Variants in TTC23L observed in about 807,000 individuals in gnomAD.
TTC23L encodes tetratricopeptide repeat protein 23-like.
TTC23L carries 42 observed loss-of-function variants against 48.1 expected under a neutral mutation model. The ratio of observed to expected loss-of-function variants is 0.87; its 90% CI spans 0.68 to 1.13. The LOEUF (loss-of-function observed/expected upper bound fraction) is 1.13. TTC23L is among the 50% of genes most tolerant of loss of function. The pLI is 0.00. For synonymous variants in TTC23L, 159 were observed against 157.2 expected (o/e 1.01, Z -0.09); for missense variants, 391 against 421.0 (o/e 0.93, Z 0.62).
chr5:34,882,505 C>T (rs1316266994), intron 9 of TTC23L, among the ~76,000 whole-genome samples: 7 of 152,064 alleles, frequency 4.6e-5, no homozygotes, highest in African/African-American at 1.7e-4. Flanking sequence ...TAACACATTT[C>T]CCATATTTAA....
chr5:34,901,997 G>T (rs1342722818), downstream of TTC23L, among the ~76,000 whole-genome samples: 1 of 152,182 alleles, frequency 6.6e-6, no homozygotes, highest in Admixed American at 6.5e-5. Context: ...TCTAGCGAAA[G>T]AATTTGCAAT....
intron 6 of TTC23L, 94 bp from the exon 7 acceptor site, chr5:34,866,798 G>A (rs1761079573): frequency 1.6e-6 from 2 of 1,284,046 alleles, no homozygotes; most frequent in Admixed American, 2.8e-5. Flanking sequence ...GGCCTGTGAA[G>A]GCCAAATTCT....
rs1359491524 is a variant in TTC23L at position 34,845,693 on chromosome 5, A to G, written c.255+20A>G. On this transcript the variant is annotated intron_variant, in intron 3 of 10. Transcript: ENST00000505624. ...AAAATGGTAAAACAAAAAACTCACT[A>G]AAATTTTGTTTCCATTTAAAAATAT... 3.8e-6 allele frequency: 6 copies of G among 1,590,052 alleles called. No homozygotes were observed. Among genetic ancestry groups the G allele is most frequent in the Non-Finnish European group, 5.1e-6 (6 of 1,171,364 alleles).
intron 8 of TTC23L, among the ~76,000 whole-genome samples, chr5:34,873,796 T>C (rs1012539147): frequency 6.6e-6 from 1 of 152,056 alleles, no homozygotes; most frequent in African/African-American, 2.4e-5. Context: ...CAAAGAAGAC[T>C]TGAAATGTGT....
chr5:34,873,481 T>A (rs571543080), intron 8 of TTC23L, among the ~76,000 whole-genome samples: 1 of 152,148 alleles, frequency 6.6e-6, no homozygotes, highest in Non-Finnish European at 1.5e-5. Flanking sequence ...TGCAATGTTA[T>A]CACCACGGGC....
At chr5:34,840,325 C>T (rs1380754011) in intron 1 of TTC23L, among the ~76,000 whole-genome samples, 2 of 149,842 alleles carry the variant, frequency 1.3e-5, no homozygotes, top group Non-Finnish European at 2.9e-5. Flanking sequence ...AAATCCAACA[C>T]GCCGTCAGAC....
the TTC23L span, among the ~76,000 whole-genome samples, chr5:34,923,607 C>T: frequency 2.4e-4 from 37 of 152,148 alleles, no homozygotes; most frequent in Admixed American, 1.7e-3. Flanking sequence ...TAGAGTGTCG[C>T]AGTGTTGCCT....
chr5:34,888,406 G>T (rs13168113), intron 9 of TTC23L: 346,441 of 895,682 alleles, frequency 0.39, 71,366 homozygotes, highest in Non-Finnish European at 0.42. Context: ...TGCAGTTAAG[G>T]TGCTTGCTAT....
chr5:34,869,907 T>G (rs1207399040), intron 8 of TTC23L: 1 of 152,172 alleles, frequency 6.6e-6, no homozygotes, highest in East Asian at 1.9e-4. Flanking sequence ...TTCCTGATTC[T>G]TTGTTTTTCA....
At chr5:34,844,627 A>G (rs1758965613) in intron 2 of TTC23L, among the ~76,000 whole-genome samples, 1 of 152,162 alleles carries the variant, frequency 6.6e-6, no homozygotes, top group South Asian at 2.1e-4. Context: ...AGTAAATTTT[A>G]TTTTAAAAAC....
At chr5:34,914,547 G>A in the TTC23L span, 1 of 745,314 alleles carries the variant, frequency 1.3e-6, no homozygotes, top group Non-Finnish European at 2.1e-6. Context: ...TCTAACTTAA[G>A]ACTATTATTT....
At chr5:34,869,960 A>G (rs1387871633) in intron 8 of TTC23L, 1 of 152,056 alleles carries the variant, frequency 6.6e-6, no homozygotes, top group East Asian at 1.9e-4. Context: ...GTCTATATTC[A>G]CAGTATATAT....
intron 8 of TTC23L, among the ~76,000 whole-genome samples, chr5:34,870,780 C>T (rs944980462): frequency 4.6e-5 from 7 of 152,040 alleles, no homozygotes; most frequent in South Asian, 2.1e-4. Flanking sequence ...CACAGACCTC[C>T]GTGATCAAGT....
exon 2 of TTC23L, chr5:34,840,738 A>G (rs751097488): frequency 5.0e-6 from 8 of 1,611,352 alleles, no homozygotes; most frequent in African/African-American, 1.3e-5. Flanking sequence ...CTGCTTCCAT[A>G]TGTAAGTATC....
intron 4 of TTC23L, among the ~76,000 whole-genome samples, chr5:34,855,832 T>TA (rs1259276563): frequency 6.6e-5 from 10 of 152,240 alleles, no homozygotes; most frequent in Admixed American, 6.5e-5. Flanking sequence ...TATTTTTATA[T>TA]AAAAAACACC....
chr5:34,880,083 T>C, intron 8 of TTC23L, 98 bp from the exon 9 acceptor site: 1 of 1,424,932 alleles, frequency 7.0e-7, no homozygotes, highest in Non-Finnish European at 9.5e-7. Context: ...AGAACAAGCA[T>C]GGACTTTAAG....
chr5:34,840,248 GGGA>G (rs199918684), intron 1 of TTC23L, among the ~76,000 whole-genome samples: 13,225 of 143,518 alleles, frequency 0.092, 1,245 homozygotes, highest in South Asian at 0.14. Flanking sequence ...GGGGGGGGGG[GGGA>G]AAGCAGAATT....
intron 1 of TTC23L, among the ~76,000 whole-genome samples, 166 bp from the exon 2 acceptor site, chr5:34,840,499 T>A (rs889388137): frequency 1.3e-5 from 2 of 152,194 alleles, no homozygotes; most frequent in African/African-American, 4.8e-5. Flanking sequence ...TTGGCAAATG[T>A]CTGTTTTCCA....
intron 6 of TTC23L, among the ~76,000 whole-genome samples, chr5:34,864,913 C>T (rs1366962958): frequency 6.6e-6 from 1 of 152,206 alleles, no homozygotes; most frequent in Non-Finnish European, 1.5e-5. Context: ...CACACTCACT[C>T]TAATATTGTA....
Sources: gnomAD v4.1 joint callset for allele counts (sites outside exome capture counted in the v4.1 genomes callset) on GRCh38, gnomAD v4.1.1 for gene constraint, MANE v1.5 for transcripts, NCBI Gene and HGNC (gene_info 2026-07-23, HGNC 2026-07-21) for gene names.